SLC71A2: variants seen among roughly 807,000 people sequenced by gnomAD.
The protein encoded by SLC71A2 is hippocampus abundant transcript-like 1.
At chr9:94,440,639 G>A in the SLC71A2 span, among the ~76,000 whole-genome samples, 1 of 151,630 alleles carries the variant, frequency 6.6e-6, no homozygotes, top group Admixed American at 6.6e-5. Context: ...ATCATTTGTT[G>A]TATGTCTTTT....
At chr9:94,459,217 T>G in the SLC71A2 span, 2 of 1,614,194 alleles carry the variant, frequency 1.2e-6, no homozygotes, top group Non-Finnish European at 1.7e-6. Flanking sequence ...TCCTTATGTC[T>G]TTTCTGGTTG....
At chr9:94,460,861 T>C in the SLC71A2 span, 1 of 152,238 alleles carries the variant, frequency 6.6e-6, no homozygotes, top group Non-Finnish European at 1.5e-5. Context: ...CTTTTTACTA[T>C]GCTATTGGTT....
the SLC71A2 span, among the ~76,000 whole-genome samples, chr9:94,453,739 G>C: frequency 6.6e-6 from 1 of 152,124 alleles, no homozygotes; most frequent in African/African-American, 2.4e-5. Flanking sequence ...GGCTTCTTAG[G>C]GAGGAGGCTG....
chr9:94,423,521 T>C, the SLC71A2 span, among the ~76,000 whole-genome samples: 19 of 152,160 alleles, frequency 1.2e-4, no homozygotes, highest in African/African-American at 3.6e-4. Flanking sequence ...AGCAACATCT[T>C]TATTGCTGGA....
At chr9:94,414,979 C>G in the SLC71A2 span, among the ~76,000 whole-genome samples, 1 of 152,270 alleles carries the variant, frequency 6.6e-6, no homozygotes, top group East Asian at 1.9e-4. Context: ...ATCTTAGCAC[C>G]TTCCCTTATT....
chr9:94,452,678 C>CATATATATTCATATATTCAT, the SLC71A2 span, among the ~76,000 whole-genome samples: 1 of 47,592 alleles, frequency 2.1e-5, no homozygotes, highest in African/African-American at 8.3e-5. Context: ...CATATATATT[C>CATATATATTCATATATTCAT]ATATATTCAT....
At chr9:94,458,402 A>G in the SLC71A2 span, 3 of 1,614,138 alleles carry the variant, frequency 1.9e-6, no homozygotes, top group Non-Finnish European at 2.5e-6. Context: ...CATATTCTAC[A>G]TGTTCCATGT....
the SLC71A2 span, among the ~76,000 whole-genome samples, chr9:94,451,849 G>T: frequency 3.3e-5 from 5 of 152,206 alleles, no homozygotes; most frequent in Admixed American, 3.3e-4. Context: ...AGGCAGCCCA[G>T]CCTGGTGACT....
chr9:94,451,302 T>A, the SLC71A2 span, among the ~76,000 whole-genome samples: 1 of 152,348 alleles, frequency 6.6e-6, no homozygotes, highest in South Asian at 2.1e-4. Flanking sequence ...GTTTTAGATA[T>A]AAATTACTGG....
chr9:94,451,560 T>TA, the SLC71A2 span: 4 of 1,186,486 alleles, frequency 3.4e-6, no homozygotes, highest in East Asian at 7.5e-5. Context: ...TTAAAAAATT[T>TA]AAAAAATATC....
chr9:94,377,321 A>G, the SLC71A2 span, among the ~76,000 whole-genome samples: 1 of 151,606 alleles, frequency 6.6e-6, no homozygotes, highest in East Asian at 1.9e-4. Context: ...AGGTTCTTAG[A>G]TGCTACTAGT....
the SLC71A2 span, among the ~76,000 whole-genome samples, chr9:94,419,492 T>A: frequency 0.52 from 78,059 of 151,566 alleles, 20,347 homozygotes; most frequent in Admixed American, 0.61. Context: ...TTTTTAGTAG[T>A]TACAGGGTTT....
chr9:94,457,185 C>T, the SLC71A2 span, among the ~76,000 whole-genome samples: 4 of 152,132 alleles, frequency 2.6e-5, no homozygotes, highest in Admixed American at 6.5e-5. Flanking sequence ...AGCCTGGTCT[C>T]GAACTCCTGG....
At chr9:94,428,059 G>T in the SLC71A2 span, among the ~76,000 whole-genome samples, 1 of 151,862 alleles carries the variant, frequency 6.6e-6, no homozygotes, top group Non-Finnish European at 1.5e-5. Context: ...AGAGGCGGGG[G>T]TTGCAGTGAG....
At chr9:94,389,605 C>G in the SLC71A2 span, among the ~76,000 whole-genome samples, 1 of 149,552 alleles carries the variant, frequency 6.7e-6, no homozygotes. Flanking sequence ...AAAGGACCCC[C>G]TTTTATTCCT....
chr9:94,380,301 A>G, the SLC71A2 span, among the ~76,000 whole-genome samples: 2 of 150,998 alleles, frequency 1.3e-5, no homozygotes, highest in Admixed American at 6.6e-5. Context: ...TCAGTTTCTT[A>G]CATGTGTTCT....
the SLC71A2 span, among the ~76,000 whole-genome samples, chr9:94,421,170 T>C: frequency 6.7e-6 from 1 of 149,338 alleles, no homozygotes; most frequent in Non-Finnish European, 1.5e-5. Context: ...TTCTATAGAA[T>C]GATATATTTT....
At chr9:94,425,348 C>G in the SLC71A2 span, among the ~76,000 whole-genome samples, 2 of 152,204 alleles carry the variant, frequency 1.3e-5, no homozygotes, top group African/African-American at 4.8e-5. Flanking sequence ...CCCAATTATT[C>G]TGTGGTCAAT....
chr9:94,406,094 G>T, the SLC71A2 span, among the ~76,000 whole-genome samples: 1 of 53,580 alleles, frequency 1.9e-5, no homozygotes, highest in South Asian at 7.0e-4. Flanking sequence ...TTTTGAGGCT[G>T]GGTGTCACTC....
Sources: gnomAD v4.1 joint callset for allele counts (sites outside exome capture counted in the v4.1 genomes callset) on GRCh38, gnomAD v4.1.1 for gene constraint, MANE v1.5 for transcripts, NCBI Gene and HGNC (gene_info 2026-07-23, HGNC 2026-07-21) for gene names.